NEK10: variants seen among roughly 807,000 people sequenced by gnomAD.
NEK10 encodes NIMA related kinase 10.
Under a neutral mutation model 159.8 loss-of-function variants are expected in NEK10, and 122 were observed. The ratio of observed to expected loss-of-function variants is 0.76; its 90% CI spans 0.66 to 0.89. The LOEUF (loss-of-function observed/expected upper bound fraction) is 0.89. Ranked by LOEUF, NEK10 falls within the 40% of genes least tolerant of loss-of-function variation. The pLI, the probability that NEK10 is intolerant of heterozygous loss-of-function variation, is 0.00. For missense variants in NEK10, 1,342 were observed against 1,323.1 expected, an observed-to-expected ratio of 1.01 and a Z score of -0.22; for synonymous variants, 466 against 457.1, an observed-to-expected ratio of 1.02 and a Z score of -0.25.
chr3:27,251,570 G>A (rs1575450469), intron 23 of NEK10, among the ~76,000 whole-genome samples: 1 of 152,152 alleles, frequency 6.6e-6, no homozygotes, highest in Admixed American at 6.5e-5. Flanking sequence ...GTTTCCTGGG[G>A]CCTCCCCAGA....
At position 27,284,957 on chromosome 3, in the gene NEK10, A is replaced by G; in HGVS notation, c.1794T>C (p.Asp598=). Residue 598 remains aspartate, a synonymous_variant, in exon 21 of 36, where the codon GAT becomes GAC. Transcript: ENST00000691995. ...TCAGCTCCATAACTATGTACAACCT[A>G]TCATCTATATAAATATCACAAAAGG... ...VRYYKTFLEN[D]RLYIVMELIE... 1 of 1,592,074 alleles carries G rather than the reference A, an allele frequency of 6.3e-7. No homozygotes were observed. Among genetic ancestry groups the G allele is most frequent in the South Asian group, 1.1e-5 (1 of 87,400 alleles).
intron 9 of NEK10, 88 bp downstream of exon 9, chr3:27,310,861 A>G: frequency 1.3e-6 from 1 of 768,486 alleles, no homozygotes; most frequent in Non-Finnish European, 2.2e-6. Context: ...CTAATTACAC[A>G]TGACTTAACC....
At chr3:27,347,497 C>T (rs549063238) in intron 3 of NEK10, among the ~76,000 whole-genome samples, 7 of 107,622 alleles carry the variant, frequency 6.5e-5, no homozygotes, top group African/African-American at 1.3e-4. Context: ...AGTGAAACTC[C>T]GTCTCAAAAA....
Position 27,174,629 on chromosome 3 carries a change from ACACACTGC to A in NEK10, c.2689+13_2689+20del. On this transcript the variant is annotated intron_variant, in intron 27 of 35. Coordinates refer to ENST00000691995, the MANE Select transcript of NEK10 (RefSeq NM_001394966.1). ...ACTGCCACTAGCAGTACCTACGTTGACACACTGCCACTAGCAGTACCTTTCTCAGCATT... is the reference window on the plus strand; with the variant it reads ...ACTGCCACTAGCAGTACCTACGTTGACACTAGCAGTACCTTTCTCAGCATT... 1 of 1,602,628 alleles carries A rather than the reference ACACACTGC, an allele frequency of 6.2e-7. No homozygotes were observed. Among genetic ancestry groups the A allele is most frequent in the African/African-American group, 1.3e-5 (1 of 74,306 alleles).
intron 23 of NEK10, among the ~76,000 whole-genome samples, chr3:27,255,976 A>T (rs1466828446): frequency 6.6e-6 from 1 of 152,160 alleles, no homozygotes; most frequent in Non-Finnish European, 1.5e-5. Flanking sequence ...TGGGTAGCAT[A>T]TCTATTACTT....
At chr3:27,289,800 A>T (rs1445142200) in intron 19 of NEK10, among the ~76,000 whole-genome samples, 1 of 152,246 alleles carries the variant, frequency 6.6e-6, no homozygotes, top group Admixed American at 6.5e-5. Context: ...ATATAAAATC[A>T]ACTATAAAAT....
chr3:27,155,239 C>G (rs193109501), intron 30 of NEK10, among the ~76,000 whole-genome samples: 1 of 152,126 alleles, frequency 6.6e-6, no homozygotes, highest in African/African-American at 2.4e-5. Context: ...CGTGGTGGCT[C>G]ACACCTGTAA....
chr3:27,210,140 A>G (rs1000088329), intron 23 of NEK10, among the ~76,000 whole-genome samples: 4 of 152,200 alleles, frequency 2.6e-5, no homozygotes, highest in African/African-American at 9.6e-5. Context: ...TTATAACAGA[A>G]TACCTGAAAC....
chr3:27,314,193 G>T, intron 7 of NEK10, 104 bp downstream of exon 7: 1 of 778,842 alleles, frequency 1.3e-6, no homozygotes, highest in Non-Finnish European at 2.3e-6. Context: ...GGGGCAGACA[G>T]CATAACATAG....
rs1425312178 is a variant in NEK10, at chr3:27,147,658, G to A, written c.2870-6076C>T. Among the ~76,000 whole-genome samples the A allele has an allele frequency of 3.9e-5, 6 of 151,972 alleles. No individual in the cohort carries two copies. In the East Asian group the frequency reaches 1.2e-3, roughly 29 times the overall value. On this transcript the variant is annotated intron_variant, in intron 30 of 35. Coordinates refer to ENST00000691995, the MANE Select transcript of NEK10 (RefSeq NM_001394966.1). ...TATTCCCATAATGGGTAATGTCACA[G>A]TATATTTAACTAACAATCTACACCA... is the stretch of plus-strand genomic sequence containing the variant.
chr3:27,131,593 A>T (rs1942625644), intron 32 of NEK10, among the ~76,000 whole-genome samples: 1 of 152,326 alleles, frequency 6.6e-6, no homozygotes, highest in Non-Finnish European at 1.5e-5. Flanking sequence ...TCAGAATATA[A>T]TTCTCTAGAA....
At chr3:27,340,846 G>C (rs2047153950) in intron 5 of NEK10, among the ~76,000 whole-genome samples, 1 of 152,112 alleles carries the variant, frequency 6.6e-6, no homozygotes, top group African/African-American at 2.4e-5. Context: ...CTGCTACTGG[G>C]TATCTATCCA....
intron 20 of NEK10, 149 bp from the exon 21 acceptor site, chr3:27,285,110 T>C: frequency 1.6e-6 from 1 of 635,214 alleles, no homozygotes. Flanking sequence ...ATGGATCCAC[T>C]CAGCCCTGGA....
chr3:27,252,927 A>G (rs1181482932), intron 23 of NEK10: 1 of 510,900 alleles, frequency 2.0e-6, no homozygotes, highest in Non-Finnish European at 3.9e-6. Context: ...GAAGTCACTT[A>G]AGTGTTTTAA....
chr3:27,157,957 A>G (rs1302165662), intron 30 of NEK10, among the ~76,000 whole-genome samples: 1 of 152,200 alleles, frequency 6.6e-6, no homozygotes, highest in African/African-American at 2.4e-5. Context: ...GCAACAAGGC[A>G]TTTTTAATTA....
At chr3:27,269,141 C>T (rs2149387055) in intron 22 of NEK10, among the ~76,000 whole-genome samples, 1 of 152,236 alleles carries the variant, frequency 6.6e-6, no homozygotes, top group South Asian at 2.1e-4. Flanking sequence ...AGCAAAGAAA[C>T]AGGTTTCTTG....
At chr3:27,204,731 C>G (rs1285276855) in intron 23 of NEK10, among the ~76,000 whole-genome samples, 2 of 139,206 alleles carry the variant, frequency 1.4e-5, no homozygotes, top group Non-Finnish European at 3.2e-5. Context: ...TGGGTTGGTT[C>G]CAAGTCTTTG....
At position 27,172,247 on chromosome 3, in the gene NEK10, A is replaced by G. The variant is rs993357924; in HGVS notation, c.2777-374T>C. On this transcript the variant is annotated intron_variant, in intron 28 of 35. Coordinates refer to ENST00000691995, the MANE Select transcript of NEK10 (RefSeq NM_001394966.1). ...CTACTCGGGAGGCTAAGGCAGGAGAATCGCTTGAACCCAGGAGGCGGAGGT... is the reference window on the plus strand; with the variant it reads ...CTACTCGGGAGGCTAAGGCAGGAGAGTCGCTTGAACCCAGGAGGCGGAGGT... Among the ~76,000 whole-genome samples the G allele has an allele frequency of 2.0e-5, 3 of 149,918 alleles. No homozygotes were observed. The Admixed American group carries it at 2.0e-4, about 10-fold the overall frequency.
At chr3:27,226,277 C>T (rs1417951013) in intron 23 of NEK10, among the ~76,000 whole-genome samples, 3 of 151,530 alleles carry the variant, frequency 2.0e-5, no homozygotes, top group Admixed American at 1.3e-4. Flanking sequence ...GATCTCCTGA[C>T]CTTGTGACCT....
Sources: allele counts gnomAD v4.1 joint callset (sites outside exome capture counted in the v4.1 genomes callset), GRCh38; gene constraint gnomAD v4.1.1; transcripts MANE v1.5; gene names NCBI Gene and HGNC (gene_info 2026-07-23, HGNC 2026-07-21).